TACR3: variants seen among roughly 807,000 people sequenced by gnomAD.
TACR3 encodes neuromedin-K receptor.
TACR3 carries 34 observed loss-of-function variants against 35.0 expected under a neutral mutation model. The ratio of observed to expected loss-of-function variants is 0.97; its 90% CI spans 0.74 to 1.30. TACR3 has a LOEUF of 1.30. Among genes scored for constraint, TACR3 ranks in the 50% most tolerant of loss-of-function variants. The probability of loss-of-function intolerance (pLI) is 0.00; values close to 1 mark genes in which losing one functional copy is unlikely to be tolerated. For synonymous variants in TACR3, 233 were observed against 221.1 expected (o/e 1.05, Z -0.48); for missense variants, 558 against 591.7 (o/e 0.94, Z 0.59).
At chr4:103,690,419 G>C (rs73835397) in intron 1 of TACR3, among the ~76,000 whole-genome samples, 7,995 of 152,052 alleles carry the variant, frequency 0.053, 583 homozygotes, top group African/African-American at 0.16. Flanking sequence ...AGACAAACTA[G>C]GAACTCATTA....
chr4:103,676,378 T>G (rs115203971), intron 1 of TACR3, among the ~76,000 whole-genome samples: 2,703 of 152,208 alleles, frequency 0.018, 90 homozygotes, highest in African/African-American at 0.063. Context: ...ACACAATATA[T>G]TCAAAGAGCT....
chr4:103,702,712 T>C (rs1035884100), intron 1 of TACR3, among the ~76,000 whole-genome samples: 2 of 152,022 alleles, frequency 1.3e-5, no homozygotes, highest in African/African-American at 4.8e-5. Context: ...CATGGAATAC[T>C]ATGCAGCCAT....
chr4:103,625,800 C>T (rs1315589252), intron 3 of TACR3, among the ~76,000 whole-genome samples: 1 of 151,412 alleles, frequency 6.6e-6, no homozygotes, highest in East Asian at 1.9e-4. Flanking sequence ...AGTCCTAACC[C>T]CCAGTACCTT....
chr4:103,653,877 G>T (rs1222413580), intron 3 of TACR3, among the ~76,000 whole-genome samples: 2 of 152,148 alleles, frequency 1.3e-5, no homozygotes, highest in Non-Finnish European at 2.9e-5. Context: ...CCTTCAAAAA[G>T]TGGGCGAAGG....
At chr4:103,713,802 T>G (rs1379911557) in intron 1 of TACR3, among the ~76,000 whole-genome samples, 1 of 152,060 alleles carries the variant, frequency 6.6e-6, no homozygotes, top group Non-Finnish European at 1.5e-5. Context: ...TTAATCATTA[T>G]GTATAGGCAG....
chr4:103,716,003 A>C (rs1353302923), intron 1 of TACR3, among the ~76,000 whole-genome samples: 2 of 152,192 alleles, frequency 1.3e-5, no homozygotes, highest in Non-Finnish European at 2.9e-5. Context: ...CAGTCATCAC[A>C]ACTTGTTAGG....
chr4:103,693,049 TG>T (rs1452519322), intron 1 of TACR3, among the ~76,000 whole-genome samples: 1 of 152,190 alleles, frequency 6.6e-6, no homozygotes, highest in Non-Finnish European at 1.5e-5. Context: ...TCCACAATAC[TG>T]CCACTAAAGG....
chr4:103,708,562 AG>A (rs897489911), intron 1 of TACR3, among the ~76,000 whole-genome samples: 57 of 152,210 alleles, frequency 3.7e-4, no homozygotes, highest in African/African-American at 1.4e-3. Context: ...GGGAAAAAAC[AG>A]AGCAGAAAAG....
chr4:103,649,075 G>T (rs1156476787), intron 3 of TACR3, among the ~76,000 whole-genome samples: 1 of 151,982 alleles, frequency 6.6e-6, no homozygotes, highest in East Asian at 1.9e-4. Context: ...TTGGCCATTT[G>T]TATGTCTTCT....
rs144292455 is a variant in TACR3, at chr4:103,656,258, C to T, written c.824G>A (p.Trp275Ter). Residue 275 changes from tryptophan (W) to a stop codon, truncating the protein, a stop_gained, in exon 3 of 5, where the codon TGG becomes TAG. Coordinates refer to ENST00000304883, the MANE Select transcript of TACR3 (RefSeq NM_001059.3). LOFTEE classifies it high-confidence loss of function. ...ITYTIVGITL[W>*]GGEIPGDTCD... is the part of the protein sequence containing the mutation. ...GGTATCTCCTGGGATTTCTCCTCCC[C>T]AGAGAGTAATTCCAACAATGGTGTA... The T allele has an allele frequency of 4.6e-4, 747 of 1,612,902 alleles. No homozygotes were observed. Among genetic ancestry groups the T allele is most frequent in the Non-Finnish European group, 6.0e-4 (709 of 1,179,320 alleles).
At chr4:103,614,884 G>GGTTTTTTTTTTTT (rs1724601041) in intron 3 of TACR3, among the ~76,000 whole-genome samples, 1 of 72,006 alleles carries the variant, frequency 1.4e-5, no homozygotes, top group Non-Finnish European at 2.6e-5. Flanking sequence ...TTATGAATGT[G>GGTTTTTTTTTTTT]TTTTTTTTTT....
intron 3 of TACR3, among the ~76,000 whole-genome samples, chr4:103,623,196 A>G (rs1232197739): frequency 6.6e-6 from 1 of 152,138 alleles, no homozygotes; most frequent in Non-Finnish European, 1.5e-5. Context: ...AAATAAATAC[A>G]TTAATGCTTT....
intron 1 of TACR3, among the ~76,000 whole-genome samples, chr4:103,695,030 G>A (rs1386467372): frequency 6.6e-6 from 1 of 151,730 alleles, no homozygotes; most frequent in Non-Finnish European, 1.5e-5. Context: ...TTTTTTATTA[G>A]TAGTAAATAT....
At chr4:103,628,329 A>C (rs541646537) in intron 3 of TACR3, among the ~76,000 whole-genome samples, 2 of 152,276 alleles carry the variant, frequency 1.3e-5, no homozygotes, top group East Asian at 3.9e-4. Flanking sequence ...GACACAAAAA[A>C]CCCTTCAAAA....
chr4:103,656,269 TC>T lies in TACR3; in HGVS notation c.812del (p.Gly271GlufsTer21), dbSNP rs750084419. 1.2e-6 allele frequency: 2 copies of T among 1,612,910 alleles called. No individual in the cohort carries two copies. The highest frequency in any genetic ancestry group is 2.7e-5 in the African/African-American group (2 of 74,840). On this transcript the variant is annotated frameshift_variant, in exon 3 of 5. Coordinates refer to ENST00000304883, the MANE Select transcript of TACR3 (RefSeq NM_001059.3). LOFTEE classifies it high-confidence loss of function. ...GGATTTCTCCTCCCCAGAGAGTAAT[TC>T]CAACAATGGTGTATGTAATACCCAT... ...LIMGITYTIV[G>X]ITLWGGEIPG... is the part of the protein sequence containing the mutation.
chr4:103,704,845 A>G (rs569892939), intron 1 of TACR3, among the ~76,000 whole-genome samples: 1 of 152,294 alleles, frequency 6.6e-6, no homozygotes, highest in South Asian at 2.1e-4. Flanking sequence ...ATAGCAAGAA[A>G]TGGTTTATAA....
At chr4:103,598,594 A>G (rs928228505) in intron 3 of TACR3, among the ~76,000 whole-genome samples, 2 of 152,116 alleles carry the variant, frequency 1.3e-5, no homozygotes, top group Admixed American at 6.6e-5. Flanking sequence ...TAGGTCTAAC[A>G]TGTAAGTCTT....
chr4:103,658,441 T>G (rs1725775841), intron 1 of TACR3, 38 bp from the exon 2 acceptor site: 3 of 1,585,368 alleles, frequency 1.9e-6, no homozygotes, highest in Non-Finnish European at 2.6e-6. Flanking sequence ...ATTGGTTTTC[T>G]TTATAACAGA....
chr4:103,699,377 G>A (rs1722596251), intron 1 of TACR3, among the ~76,000 whole-genome samples: 1 of 152,130 alleles, frequency 6.6e-6, no homozygotes, highest in East Asian at 1.9e-4. Context: ...GGTAGTAATA[G>A]AAAAGATTAC....
Sources: allele counts gnomAD v4.1 joint callset (sites outside exome capture counted in the v4.1 genomes callset), GRCh38; gene constraint gnomAD v4.1.1; transcripts MANE v1.5; gene names NCBI Gene and HGNC (gene_info 2026-07-23, HGNC 2026-07-21).